MYO7B: variants seen among roughly 807,000 people sequenced by gnomAD.
The protein encoded by MYO7B is unconventional myosin-VIIb.
A neutral mutation model predicts 259.7 loss-of-function variants in MYO7B; 212 were observed. The observed-to-expected ratio is 0.82, with a 90% confidence interval of 0.73 to 0.91. The LOEUF (loss-of-function observed/expected upper bound fraction) is 0.91, where lower values mean the gene tolerates loss of function less well. MYO7B is among the 40% of genes least tolerant of loss of function. The pLI is 0.00. For missense variants in MYO7B, 2,732 were observed against 2,813.5 expected, an observed-to-expected ratio of 0.97 and a Z score of 0.66; for synonymous variants, 1,197 against 1,166.4, an observed-to-expected ratio of 1.03 and a Z score of -0.54.
chr2:127,536,484 G>A (rs1692784689), intron 1 of MYO7B, among the ~76,000 whole-genome samples: 2 of 142,984 alleles, frequency 1.4e-5, no homozygotes, highest in Admixed American at 6.9e-5. Flanking sequence ...GGGGGTGGGG[G>A]AAGAGGTGGC....
At chr2:127,604,693 T>A (rs1437502440) in intron 19 of MYO7B, among the ~76,000 whole-genome samples, 1 of 152,138 alleles carries the variant, frequency 6.6e-6, no homozygotes, top group Non-Finnish European at 1.5e-5. Flanking sequence ...TAGAGGCCAT[T>A]ATAGAGTTAT....
At chr2:127,557,573 A>T (rs1266319923) in intron 1 of MYO7B, among the ~76,000 whole-genome samples, 2 of 152,110 alleles carry the variant, frequency 1.3e-5, no homozygotes, top group African/African-American at 4.8e-5. Flanking sequence ...TGCCATTCAG[A>T]TTCTTTTGTC....
intron 6 of MYO7B, among the ~76,000 whole-genome samples, chr2:127,572,525 CCTTT>C (rs764575270): frequency 3.1e-4 from 46 of 150,004 alleles, no homozygotes; most frequent in African/African-American, 9.3e-4. Flanking sequence ...CTCCTTCCTT[CCTTT>C]CTTTTTCTCC....
chr2:127,578,344 G>T, intron 9 of MYO7B, 58 bp downstream of exon 9: 1 of 1,600,644 alleles, frequency 6.2e-7, no homozygotes, highest in Non-Finnish European at 8.5e-7. Flanking sequence ...GGGGACAGGA[G>T]CAGGAAGGCA....
At chr2:127,574,189 C>T (rs2104907576) in intron 7 of MYO7B, 127 bp downstream of exon 7, 1 of 1,208,148 alleles carries the variant, frequency 8.3e-7, no homozygotes, top group East Asian at 2.4e-5. Context: ...ACAGGCCTCA[C>T]TGGATAATGA....
At chr2:127,557,234 T>C (rs1368380859) in intron 1 of MYO7B, among the ~76,000 whole-genome samples, 2 of 152,154 alleles carry the variant, frequency 1.3e-5, no homozygotes, top group Non-Finnish European at 2.9e-5. Context: ...AGTGTGTCCC[T>C]TGTTTCCTGA....
chr2:127,544,236 C>G lies in MYO7B; in HGVS notation c.-24+8405C>G, dbSNP rs554185741. Among the ~76,000 whole-genome samples the G allele has an allele frequency of 3.9e-5, 6 of 152,088 alleles. No homozygotes were observed. In the South Asian group the frequency reaches 1.2e-3, roughly 32 times the overall value. ...GGACCACAGGTGCTCACCACCATGT[C>G]CAACTAATATCTCCTATATTTTTAA... is the stretch of plus-strand genomic sequence containing the variant. On this transcript the variant is annotated intron_variant, in intron 1 of 47. Coordinates refer to ENST00000409816, the MANE Select transcript of MYO7B (RefSeq NM_001393586.1).
rs1207231952 is a variant in MYO7B, at chr2:127,595,048, G to T, written c.2244+1404G>T. Among the ~76,000 whole-genome samples the T allele has an allele frequency of 1.1e-4, 17 of 152,266 alleles. No individual in the cohort carries two copies. The East Asian group carries it at 2.9e-3, about 26-fold the overall frequency. ...GTTTGGAATAGTTTCAAAAAAAAGG[G>T]TATCAACTCCTCTTTGTACTTCTGG... On this transcript the variant is annotated intron_variant, in intron 18 of 47. Transcript: ENST00000409816.
intron 37 of MYO7B, 22 bp from the exon 38 acceptor site, chr2:127,631,578 C>T: frequency 1.9e-6 from 3 of 1,611,848 alleles, no homozygotes; most frequent in Non-Finnish European, 2.5e-6. Flanking sequence ...TGCCCCAGCA[C>T]TGTGCTCCTT....
chr2:127,599,269 A>G lies in MYO7B; in HGVS notation c.2339+2713A>G, dbSNP rs185587429. On this transcript the variant is annotated intron_variant, in intron 19 of 47. Coordinates refer to ENST00000409816, the MANE Select transcript of MYO7B (RefSeq NM_001393586.1). ...GTAGTTTTTAGCACACAAACCCTGT[A>G]CATGTTTTATTAGATTTACATGTTT... 6.2e-4 allele frequency among the ~76,000 whole-genome samples: 94 copies of G among 152,310 alleles called. 1 individual carries two copies. The highest frequency in any genetic ancestry group is 2.2e-3 in the African/African-American group (93 of 41,564).
intron 19 of MYO7B, among the ~76,000 whole-genome samples, chr2:127,602,205 C>T (rs1679986935): frequency 6.6e-6 from 1 of 152,182 alleles, no homozygotes; most frequent in African/African-American, 2.4e-5. Context: ...TCACACTATA[C>T]ACATACACAC....
chr2:127,617,901 A>G (rs2248763), intron 26 of MYO7B, among the ~76,000 whole-genome samples: 69,213 of 147,394 alleles, frequency 0.47, 18,355 homozygotes, highest in African/African-American at 0.74. Flanking sequence ...TCAAGTCCTT[A>G]TAGGACCCTA....
intron 26 of MYO7B, 43 bp from the exon 27 acceptor site, chr2:127,620,297 C>T: frequency 1.9e-6 from 3 of 1,571,968 alleles, no homozygotes; most frequent in Non-Finnish European, 2.6e-6. Context: ...TCCTCTCCTC[C>T]TCCAGCCCCC....
chr2:127,622,820 C>T (rs1045389384), intron 28 of MYO7B, among the ~76,000 whole-genome samples: 1 of 152,182 alleles, frequency 6.6e-6, no homozygotes, highest in African/African-American at 2.4e-5. Flanking sequence ...AAAATGTTCC[C>T]GAGTCCTGGA....
In MYO7B at chr2:127,584,770, T is replaced by C. The variant is rs1046238297; in HGVS notation, c.1555-8T>C. ...ACCTCAGCCCACAGGGTGTCTGGGT[T>C]CTTCCAGGGGACAGATCTCACCATG... On this transcript the variant is annotated splice_region_variant and splice_polypyrimidine_tract_variant and intron_variant, in intron 13 of 47. Transcript: ENST00000409816. The surrounding 1 kb of genome is among the most constrained non-coding windows in gnomAD (Gnocchi z 5.8). 2 of 1,613,554 alleles carry C rather than the reference T, an allele frequency of 1.2e-6. No homozygotes were observed. Among genetic ancestry groups the C allele is most frequent in the Non-Finnish European group, 1.7e-6 (2 of 1,179,742 alleles).
chr2:127,621,874 T>TTGA, intron 27 of MYO7B, 108 bp from the exon 28 acceptor site: 1 of 1,498,858 alleles, frequency 6.7e-7, no homozygotes, highest in South Asian at 1.2e-5. Context: ...TGCCCCTCAA[T>TTGA]GCACATTATA....
intron 1 of MYO7B, among the ~76,000 whole-genome samples, chr2:127,537,138 T>C (rs977796028): frequency 2.6e-5 from 4 of 152,204 alleles, no homozygotes; most frequent in Non-Finnish European, 4.4e-5. Context: ...GCAGAGGAGT[T>C]TGGCTTTATA....
intron 20 of MYO7B, 145 bp downstream of exon 20, chr2:127,606,073 A>T (rs7584125): frequency 0.059 from 38,973 of 660,222 alleles, 1,738 homozygotes; most frequent in South Asian, 0.15. Context: ...TGCAAATTTA[A>T]AATGATCAGA....
At chr2:127,561,159 G>C (rs1471249768) in intron 2 of MYO7B, among the ~76,000 whole-genome samples, 1 of 152,082 alleles carries the variant, frequency 6.6e-6, no homozygotes, top group African/African-American at 2.4e-5. Flanking sequence ...CTGGGAATGC[G>C]ACTAACTGCA....
Sources: gnomAD v4.1 joint callset for allele counts (sites outside exome capture counted in the v4.1 genomes callset) on GRCh38, gnomAD v4.1.1 for gene constraint, Gnocchi (gnomAD v3.1) non-coding constraint, MANE v1.5 for transcripts, NCBI Gene and HGNC (gene_info 2026-07-23, HGNC 2026-07-21) for gene names.